The following CNTN5 variants were observed in gnomAD, a reference collection of about 807,000 sequenced individuals.
CNTN5 encodes contactin 5, also known as contactin-5.
In CNTN5, 77 loss-of-function variants were observed where a neutral mutation model predicts 129.1. The observed-to-expected ratio is 0.60, with a 90% CI of 0.50 to 0.72. The LOEUF is 0.72. Ranked by LOEUF, CNTN5 falls within the 30% of genes least tolerant of loss-of-function variation. The pLI is 0.00. For missense variants in CNTN5, 1,478 were observed against 1,328.8 expected, an observed-to-expected ratio of 1.11 and a Z score of -1.75; for synonymous variants, 509 against 465.6, an observed-to-expected ratio of 1.09 and a Z score of -1.20.
chr11:99,873,951 T>C (rs1234402977), intron 6 of CNTN5, among the ~76,000 whole-genome samples: 1 of 152,052 alleles, frequency 6.6e-6, no homozygotes, highest in African/African-American at 2.4e-5. Flanking sequence ...CTAAGTGAAC[T>C]AACTCTGAAG....
chr11:99,942,842 A>G (rs955881271), intron 7 of CNTN5, among the ~76,000 whole-genome samples: 4 of 151,902 alleles, frequency 2.6e-5, no homozygotes, highest in Non-Finnish European at 5.9e-5. Context: ...CCATGTCCCT[A>G]CAAAGGACAT....
chr11:99,074,223 T>C (rs1455717174), intron 1 of CNTN5, among the ~76,000 whole-genome samples: 1 of 152,024 alleles, frequency 6.6e-6, no homozygotes, highest in South Asian at 2.1e-4. Flanking sequence ...TTTGATGGAG[T>C]TGTTTTTTTT....
At chr11:99,486,806 A>C (rs185272910) in intron 2 of CNTN5, among the ~76,000 whole-genome samples, 1 of 152,300 alleles carries the variant, frequency 6.6e-6, no homozygotes, top group East Asian at 1.9e-4. Flanking sequence ...GTTAACCATA[A>C]GTTATAAAGT....
rs139005195 is a variant in CNTN5 at position 100,123,269 on chromosome 11, T to C, written c.1580+48975T>C. Among the ~76,000 whole-genome samples the C allele has an allele frequency of 6.3e-3, 951 of 152,154 alleles. 9 individuals carry two copies. Among genetic ancestry groups the C allele is most frequent in the African/African-American group, 0.02 (833 of 41,538 alleles). On this transcript the variant is annotated intron_variant, in intron 13 of 24. Transcript: ENST00000524871. Reference sequence around the variant, plus strand: ...TCTACCCTTTAAATATGAAATATTTTTGCCACAAGGTTTTTCTATTATTGT... The same window carrying C: ...TCTACCCTTTAAATATGAAATATTTCTGCCACAAGGTTTTTCTATTATTGT...
intron 3 of CNTN5, among the ~76,000 whole-genome samples, chr11:99,761,011 G>C (rs1443155935): frequency 2.6e-5 from 4 of 152,040 alleles, no homozygotes; most frequent in Non-Finnish European, 1.5e-5. Context: ...CATAGTTCTT[G>C]AATTCATTAA....
intron 8 of CNTN5, among the ~76,000 whole-genome samples, chr11:99,969,434 C>T (rs1951188473): frequency 6.6e-6 from 1 of 152,070 alleles, no homozygotes. Flanking sequence ...AAGATATATT[C>T]ACTTACGTTT....
intron 4 of CNTN5, among the ~76,000 whole-genome samples, chr11:99,825,951 A>G (rs1444351575): frequency 6.6e-6 from 1 of 152,134 alleles, no homozygotes; most frequent in Admixed American, 6.6e-5. Flanking sequence ...TTCTTTTCAA[A>G]TGTGCAAAAT....
Position 99,819,719 on chromosome 11 carries a change from T to C in CNTN5, c.231T>C (p.Tyr77=), listed in dbSNP as rs12222337. Residue 77 remains tyrosine, a synonymous_variant, in exon 4 of 25, where the codon TAT becomes TAC. Transcript: ENST00000524871. ...GGCTAGGGGCAGCTCAGAATTATTA[T>C]TCCCCCATCAATCTTTATCATTCCT... ...PSWLGAAQNY[Y]SPINLYHSSD... is the part of the protein sequence containing the mutation. 79,050 of 1,375,508 alleles carry C rather than the reference T, an allele frequency of 0.057. 1 individual carries two copies. Among genetic ancestry groups the C allele is most frequent in the African/African-American group, 0.086 (5,751 of 66,970 alleles). The allele number at this position is 1,375,508 out of a possible 1,614,324, so 85.2% of individuals were successfully genotyped here.
chr11:100,350,841 G>C lies in CNTN5; in HGVS notation c.3170G>C (p.Ser1057Thr). ...AYSEGGDGTA[S>T]SQIRVPSYSG... ...AGTGAAGGAGGAGATGGAACAGCTA[G>C]TTCTCAAATTAGGGTACCATCATAT... The change falls in exon 24 of 25, where the codon AGT becomes ACT. Residue 1057 changes from serine to threonine, a missense_variant. Coordinates refer to ENST00000524871, the MANE Select transcript of CNTN5 (RefSeq NM_014361.4). 1 of 1,593,120 alleles carries C rather than the reference G, an allele frequency of 6.3e-7. No homozygotes were observed. Among genetic ancestry groups the C allele is most frequent in the African/African-American group, 1.3e-5 (1 of 74,248 alleles).
intron 7 of CNTN5, among the ~76,000 whole-genome samples, chr11:99,922,510 GA>G (rs1949964592): frequency 6.6e-6 from 1 of 152,280 alleles, no homozygotes; most frequent in Non-Finnish European, 1.5e-5. Flanking sequence ...TAAATAACCT[GA>G]TACGTGCTAG....
chr11:99,966,320 A>T (rs574861576), intron 8 of CNTN5, among the ~76,000 whole-genome samples: 3 of 152,322 alleles, frequency 2.0e-5, no homozygotes, highest in African/African-American at 7.2e-5. Context: ...GGGAACAAAA[A>T]TTGCTTGTAG....
intron 3 of CNTN5, among the ~76,000 whole-genome samples, chr11:99,748,425 A>T (rs1944128383): frequency 6.6e-6 from 1 of 151,884 alleles, no homozygotes; most frequent in Non-Finnish European, 1.5e-5. Context: ...AGAGAGAGAG[A>T]GAGTGAGAGA....
At chr11:99,804,894 A>T (rs1946222983) in intron 3 of CNTN5, among the ~76,000 whole-genome samples, 1 of 151,064 alleles carries the variant, frequency 6.6e-6, no homozygotes, top group African/African-American at 2.4e-5. Flanking sequence ...AACCACCAAC[A>T]TTACATTTTT....
At chr11:99,887,209 A>G (rs189371942) in intron 6 of CNTN5, among the ~76,000 whole-genome samples, 1 of 152,284 alleles carries the variant, frequency 6.6e-6, no homozygotes, top group African/African-American at 2.4e-5. Context: ...TAAGGCAGTC[A>G]ATAACATAAC....
rs541376501 is a variant in CNTN5, at chr11:100,333,175, T to C, written c.2731-7288T>C. ...ATCAAATCAAGAGCTCAATGCCTTTTACAATAGCTGAAAAAAATAAAAATA... is the reference window on the plus strand; with the variant it reads ...ATCAAATCAAGAGCTCAATGCCTTTCACAATAGCTGAAAAAAATAAAAATA... On this transcript the variant is annotated intron_variant, in intron 21 of 24. Transcript: ENST00000524871. Among the ~76,000 whole-genome samples, 8 of 152,184 alleles carry C rather than the reference T, an allele frequency of 5.3e-5. 1 individual carries two copies. Among genetic ancestry groups the C allele is most frequent in the Middle Eastern group, 6.8e-3 (2 of 294 alleles).
chr11:99,526,635 A>C (rs1947498456), intron 2 of CNTN5, among the ~76,000 whole-genome samples: 1 of 152,158 alleles, frequency 6.6e-6, no homozygotes, highest in Non-Finnish European at 1.5e-5. Context: ...TTGAGGTGTA[A>C]TGATATTTTT....
chr11:99,161,008 T>C (rs1219884727), intron 1 of CNTN5, among the ~76,000 whole-genome samples: 2 of 152,126 alleles, frequency 1.3e-5, no homozygotes, highest in Non-Finnish European at 2.9e-5. Flanking sequence ...ATTAAAAACT[T>C]GTGAATTTGG....
intron 1 of CNTN5, among the ~76,000 whole-genome samples, chr11:99,073,973 CTTA>C (rs1183062540): frequency 1.3e-5 from 2 of 152,132 alleles, no homozygotes; most frequent in East Asian, 3.9e-4. Flanking sequence ...AATGGTTGAA[CTTA>C]TTTACACTCC....
intron 1 of CNTN5, among the ~76,000 whole-genome samples, chr11:99,118,863 AAG>A (rs1409461138): frequency 4.0e-5 from 6 of 150,456 alleles, no homozygotes; most frequent in Non-Finnish European, 8.9e-5. Context: ...ATACCTAAAT[AAG>A]TATGAAATAT....
Sources: allele counts gnomAD v4.1 joint callset (sites outside exome capture counted in the v4.1 genomes callset), GRCh38; gene constraint gnomAD v4.1.1; transcripts MANE v1.5; gene names NCBI Gene and HGNC (gene_info 2026-07-23, HGNC 2026-07-21).